The following HSD17B3 variants were observed in gnomAD, a reference collection of about 807,000 sequenced individuals.
HSD17B3 encodes the protein hydroxysteroid 17-beta dehydrogenase 3.
Under a neutral mutation model 41.1 loss-of-function variants are expected in HSD17B3, and 29 were observed. The ratio of observed to expected loss-of-function variants is 0.71; its 90% CI spans 0.53 to 0.96. The LOEUF is 0.96. Among genes scored for constraint, HSD17B3 ranks in the 40% least tolerant of loss-of-function variants. The pLI, the probability that HSD17B3 is intolerant of heterozygous loss-of-function variation, is 0.00. For missense variants in HSD17B3, 323 were observed against 374.6 expected (o/e 0.86, Z 1.14); for synonymous variants, 126 against 145.6 (o/e 0.87, Z 0.97).
At chr9:96,237,431 G>T (rs568028286) in intron 10 of HSD17B3, among the ~76,000 whole-genome samples, 1 of 152,292 alleles carries the variant, frequency 6.6e-6, no homozygotes, top group South Asian at 2.1e-4. Context: ...TTGTAAAAGG[G>T]TGACTCTAAG....
At chr9:96,270,040 A>G (rs982647067) in intron 2 of HSD17B3, among the ~76,000 whole-genome samples, 1 of 152,226 alleles carries the variant, frequency 6.6e-6, no homozygotes, top group Non-Finnish European at 1.5e-5. Context: ...TTTGTTAAAA[A>G]GCAAGGAGAT....
intron 2 of HSD17B3, among the ~76,000 whole-genome samples, chr9:96,293,618 C>T (rs1192499864): frequency 6.6e-6 from 1 of 151,382 alleles, no homozygotes; most frequent in Non-Finnish European, 1.5e-5. Context: ...CTCCCCTGCC[C>T]CCACTCCCAG....
intron 2 of HSD17B3, among the ~76,000 whole-genome samples, chr9:96,260,410 A>C (rs1327210246): frequency 6.6e-6 from 1 of 152,212 alleles, no homozygotes; most frequent in Admixed American, 6.5e-5. Flanking sequence ...GATCTGATCT[A>C]ACCAGCCCCT....
Position 96,301,949 on chromosome 9 carries a change from AC to A in HSD17B3, c.154+1del. 6.2e-7 allele frequency: 1 copy of A among 1,613,876 alleles called. No individual in the cohort carries two copies. Among genetic ancestry groups the A allele is most frequent in the Non-Finnish European group, 8.5e-7 (1 of 1,179,822 alleles). ...AAAACATGAGATGGAACACTCCCTT[AC>A]CTGCCCACTGTCCCATTGACCGCAA... On this transcript the variant is annotated splice_donor_variant, in intron 1 of 10. Transcript: ENST00000375263. LOFTEE classifies it high-confidence loss of function.
intron 4 of HSD17B3, 110 bp downstream of exon 4, chr9:96,252,691 TAC>T: frequency 1.3e-6 from 1 of 759,316 alleles, no homozygotes; most frequent in Non-Finnish European, 2.4e-6. Context: ...CAGCTTAAAA[TAC>T]AGTCATGGTT....
intron 3 of HSD17B3, among the ~76,000 whole-genome samples, chr9:96,253,835 G>A (rs1825523815): frequency 6.6e-6 from 1 of 152,162 alleles, no homozygotes. Context: ...ACTGAAGAAT[G>A]TCTCGGTCCT....
rs569811401 is a variant in HSD17B3, at chr9:96,235,344, C to T, written c.*116G>A. ...AATGTGTATTCTATGCCTCTGTGAC[C>T]CCAGCCCCCTCCATCTTCAGCGGAC... is the stretch of plus-strand genomic sequence containing the variant. On this transcript the variant is annotated 3_prime_UTR_variant, in exon 11 of 11. Coordinates refer to ENST00000375263, the MANE Select transcript of HSD17B3 (RefSeq NM_000197.2). The T allele has an allele frequency of 6.5e-6, 5 of 763,488 alleles. No individual in the cohort carries two copies. The highest frequency in any genetic ancestry group is 1.7e-5 in the African/African-American group (1 of 58,116). 47.3% of individuals were successfully genotyped at this position (763,488 alleles called of 1,614,324 possible).
chr9:96,290,553 G>A (rs1431197721), intron 2 of HSD17B3, among the ~76,000 whole-genome samples: 3 of 142,738 alleles, frequency 2.1e-5, no homozygotes, highest in South Asian at 2.2e-4. Flanking sequence ...AAAAAGTCTC[G>A]CTGGGCACAG....
At position 96,246,556 on chromosome 9, in the gene HSD17B3, C is replaced by G; in HGVS notation, c.524G>C (p.Arg175Thr). 1 of 1,614,098 alleles carries G rather than the reference C, an allele frequency of 6.2e-7. No homozygotes were observed. Among genetic ancestry groups the G allele is most frequent in the South Asian group, 1.1e-5 (1 of 91,066 alleles). ...CACACTTTTTTGAAGAAGGCCTTACCTTGATTCCATATGTTTCAGAATTAG... is the reference window on the plus strand; with the variant it reads ...CACACTTTTTTGAAGAAGGCCTTACGTTGATTCCATATGTTTCAGAATTAG... ...TQLILKHMES[R>T]QKGLILNISS... The change falls in exon 7 of 11, where the codon AGG becomes ACG. Residue 175 changes from arginine (R) to threonine (T), a missense_variant and splice_region_variant. Coordinates refer to ENST00000375263, the MANE Select transcript of HSD17B3 (RefSeq NM_000197.2).
chr9:96,235,453 C>G lies in HSD17B3; in HGVS notation c.*7G>C. 6.2e-7 allele frequency: 1 copy of G among 1,605,732 alleles called. No individual in the cohort carries two copies. The highest frequency in any genetic ancestry group is 1.1e-5 in the South Asian group (1 of 90,356). ...GAAAAGGTTGTGCTGGACTCCTCAC[C>G]GCCTGGCTACCTGACCTTGGTGTTG... is the stretch of plus-strand genomic sequence containing the variant. On this transcript the variant is annotated 3_prime_UTR_variant, in exon 11 of 11. Transcript: ENST00000375263.
chr9:96,245,416 G>C lies in HSD17B3; in HGVS notation c.535C>G (p.Leu179Val), dbSNP rs759177631. 6.2e-7 allele frequency: 1 copy of C among 1,613,832 alleles called. No individual in the cohort carries two copies. The highest frequency in any genetic ancestry group is 8.5e-7 in the Non-Finnish European group (1 of 1,179,696). The stretch of plus-strand genomic sequence containing the variant: ...ATCCCAGAAGAAATGTTCAGGATGA[G>C]ACCTTTCTGCCTGAAAGGCAAAGAA... ...LKHMESRQKG[L>V]ILNISSGIAL... Residue 179 changes from leucine to valine, a missense_variant, in exon 8 of 11, where the codon CTC (leucine) becomes GTC (valine). Physicochemically the swap from Leu to Val is conservative, Grantham distance 32. Coordinates refer to ENST00000375263, the MANE Select transcript of HSD17B3 (RefSeq NM_000197.2).
At chr9:96,242,701 C>A (rs1217694532) in intron 9 of HSD17B3, among the ~76,000 whole-genome samples, 1 of 152,174 alleles carries the variant, frequency 6.6e-6, no homozygotes, top group South Asian at 2.1e-4. Flanking sequence ...ACAAGGGACT[C>A]CATTTCCCCA....
chr9:96,251,055 A>G, intron 5 of HSD17B3: 1 of 253,738 alleles, frequency 3.9e-6, no homozygotes, highest in South Asian at 9.4e-5. Flanking sequence ...GTACCTGGGA[A>G]GACAGAGAAA....
At position 96,235,350 on chromosome 9, in the gene HSD17B3, C is replaced by A; in HGVS notation, c.*110G>T. ...TATTCTATGCCTCTGTGACCCCAGC[C>A]CCCTCCATCTTCAGCGGACTAGGTT... On this transcript the variant is annotated 3_prime_UTR_variant, in exon 11 of 11. Coordinates refer to ENST00000375263, the MANE Select transcript of HSD17B3 (RefSeq NM_000197.2). 1.3e-6 allele frequency: 1 copy of A among 773,824 alleles called. No individual in the cohort carries two copies. Among genetic ancestry groups the A allele is most frequent in the East Asian group, 2.7e-5 (1 of 37,468 alleles). 47.9% of individuals were successfully genotyped at this position (773,824 alleles called of 1,614,324 possible).
intron 2 of HSD17B3, among the ~76,000 whole-genome samples, chr9:96,278,370 T>G (rs996440536): frequency 2.0e-5 from 3 of 152,244 alleles, no homozygotes; most frequent in Non-Finnish European, 4.4e-5. Context: ...TTCAATATAT[T>G]AAGAAGTCAT....
In HSD17B3 at chr9:96,240,807, T is replaced by C. The variant is rs201358756; in HGVS notation, c.773A>G (p.Tyr258Cys). 1 of 1,614,228 alleles carries C rather than the reference T, an allele frequency of 6.2e-7. No homozygotes were observed. The highest frequency in any genetic ancestry group is 8.5e-7 in the Non-Finnish European group (1 of 1,180,042). Reference sequence around the variant, plus strand: ...ACAGGTTTCACCTCCAATTGTGACATAATTCAATGACTCTTTGACAAACTC... The same window carrying C: ...ACAGGTTTCACCTCCAATTGTGACACAATTCAATGACTCTTTGACAAACTC... ...ADEFVKESLN[Y>C]VTIGGETCGC... Residue 258 changes from tyrosine (Y) to cysteine (C), a missense_variant, in exon 10 of 11, where the codon TAT becomes TGT. Coordinates refer to ENST00000375263, the MANE Select transcript of HSD17B3 (RefSeq NM_000197.2).
intron 2 of HSD17B3, among the ~76,000 whole-genome samples, chr9:96,295,371 G>T (rs1240094489): frequency 6.8e-6 from 1 of 147,818 alleles, no homozygotes; most frequent in African/African-American, 2.5e-5. Flanking sequence ...TCTCACTCTT[G>T]TCCCCCAGGC....
intron 3 of HSD17B3, among the ~76,000 whole-genome samples, chr9:96,253,253 AT>A (rs1345459229): frequency 6.6e-6 from 1 of 152,188 alleles, no homozygotes; most frequent in African/African-American, 2.4e-5. Context: ...GACCTATTGC[AT>A]CAGAAACTCT....
intron 6 of HSD17B3, among the ~76,000 whole-genome samples, chr9:96,248,530 T>A (rs976474896): frequency 6.6e-6 from 1 of 152,176 alleles, no homozygotes; most frequent in African/African-American, 2.4e-5. Flanking sequence ...AATCAGACTT[T>A]ACTTATCACT....
Sources: allele counts gnomAD v4.1 joint callset (sites outside exome capture counted in the v4.1 genomes callset), GRCh38; gene constraint gnomAD v4.1.1; transcripts MANE v1.5; gene names NCBI Gene and HGNC (gene_info 2026-07-23, HGNC 2026-07-21).